MTAP: variants seen among roughly 807,000 people sequenced by gnomAD.
MTAP encodes the protein S-methyl-5'-thioadenosine phosphorylase.
MTAP carries 33 observed loss-of-function variants against 33.6 expected under a neutral mutation model. That is an observed-to-expected ratio of 0.98 (90% CI 0.74 to 1.31). MTAP has a LOEUF of 1.31. Ranked by LOEUF, MTAP falls within the 40% of genes most tolerant of loss-of-function variation. The pLI is 0.00. For missense variants in MTAP, 367 were observed against 360.0 expected (o/e 1.02, Z -0.16); for synonymous variants, 148 against 125.7 (o/e 1.18, Z -1.19).
chr9:21,930,826 G>C (rs748352377), intron 1 of MTAP: 4 of 686,082 alleles, frequency 5.8e-6, no homozygotes, highest in African/African-American at 5.5e-5. Context: ...CTCCTAAATC[G>C]AGCCTCCAGC....
At chr9:21,829,925 CT>C (rs552813565) in intron 4 of MTAP, among the ~76,000 whole-genome samples, 2 of 151,480 alleles carry the variant, frequency 1.3e-5, no homozygotes, top group African/African-American at 2.4e-5. Flanking sequence ...ATCTGAAAAT[CT>C]TTTTTTTTCT....
rs541254404 is a variant in MTAP, at chr9:21,912,589, A to T, written c.148-18419A>T. On this transcript the variant is annotated intron_variant, in intron 1 of 1. Transcript: ENST00000577563. ...CTTCGATAAAATTGAACAGCGCTTC[A>T]TGCTAAAAACTCTCCATAAGCTAGG... Among the ~76,000 whole-genome samples the T allele has an allele frequency of 2.6e-5, 4 of 152,344 alleles. No individual in the cohort carries two copies. The South Asian group carries it at 8.3e-4, about 32-fold the overall frequency.
At chr9:21,852,260 G>T (rs749029600) in intron 5 of MTAP, among the ~76,000 whole-genome samples, 2 of 152,162 alleles carry the variant, frequency 1.3e-5, no homozygotes, top group African/African-American at 4.8e-5. Context: ...TATAATCCCA[G>T]CACTTTGGGA....
intron 4 of MTAP, among the ~76,000 whole-genome samples, chr9:21,834,625 C>G (rs1322213746): frequency 6.6e-6 from 1 of 152,190 alleles, no homozygotes. Flanking sequence ...GAGTCCTCAC[C>G]TCTCATCATG....
At chr9:21,881,113 T>C (rs748734764) in intron 1 of MTAP, among the ~76,000 whole-genome samples, 2 of 152,038 alleles carry the variant, frequency 1.3e-5, no homozygotes, top group South Asian at 4.1e-4. Flanking sequence ...CTTTTATATA[T>C]AGTCAAATGA....
intron 1 of MTAP, among the ~76,000 whole-genome samples, chr9:21,919,738 G>A (rs1304055809): frequency 6.6e-6 from 1 of 152,172 alleles, no homozygotes; most frequent in Non-Finnish European, 1.5e-5. Flanking sequence ...AGAGGTCAAG[G>A]TGGAGTAATA....
chr9:21,891,889 C>T lies in MTAP; in HGVS notation c.147+37019C>T, dbSNP rs185712470. Among the ~76,000 whole-genome samples, 348 of 152,232 alleles carry T rather than the reference C, an allele frequency of 2.3e-3. 2 individuals carry two copies. The highest frequency in any genetic ancestry group is 7.9e-3 in the African/African-American group (327 of 41,532). On this transcript the variant is annotated intron_variant, in intron 1 of 1. Coordinates refer to the MTAP transcript ENST00000577563. ...AAGCAGCTAGAGAGAATAGGAAGGT[C>T]ACTGACAAAGGGACCCCCATCAGGC... is the stretch of plus-strand genomic sequence containing the variant.
chr9:21,865,655 C>T lies in MTAP; in HGVS notation c.*3641C>T, dbSNP rs1345924076. Reference sequence around the variant, plus strand: ...GAAGAAAAGAAGGAATGCCAAAGATCGAGGAAATCTACCAAGACTAGTAGG... The same window carrying T: ...GAAGAAAAGAAGGAATGCCAAAGATTGAGGAAATCTACCAAGACTAGTAGG... On this transcript the variant is annotated 3_prime_UTR_variant, in exon 8 of 8. Transcript: ENST00000644715. 7 of 999,804 alleles carry T rather than the reference C, an allele frequency of 7.0e-6. No homozygotes were observed. The highest frequency in any genetic ancestry group is 2.0e-4 in the East Asian group (2 of 10,138). 61.9% of individuals were successfully genotyped at this position (999,804 alleles called of 1,614,324 possible). A position where few individuals can be genotyped will look rare whatever the true frequency, so the allele number is the denominator to read the frequency against.
chr9:21,925,107 G>A (rs1209787912), intron 1 of MTAP, among the ~76,000 whole-genome samples: 1 of 152,204 alleles, frequency 6.6e-6, no homozygotes, highest in East Asian at 1.9e-4. Flanking sequence ...ATACCCATGG[G>A]GGCATATGGG....
intron 1 of MTAP, among the ~76,000 whole-genome samples, chr9:21,921,459 G>T (rs759502148): frequency 2.6e-5 from 4 of 151,248 alleles, no homozygotes; most frequent in Non-Finnish European, 5.9e-5. Context: ...CTCTTTTCTA[G>T]CTCCCTGAGG....
At chr9:21,828,832 A>G (rs1316412054) in intron 4 of MTAP, among the ~76,000 whole-genome samples, 1 of 152,174 alleles carries the variant, frequency 6.6e-6, no homozygotes. Flanking sequence ...TTCAGTGACC[A>G]CTAGAAATTT....
chr9:21,839,346 C>T (rs1017954206), intron 5 of MTAP, among the ~76,000 whole-genome samples: 3 of 152,088 alleles, frequency 2.0e-5, no homozygotes, highest in Non-Finnish European at 4.4e-5. Context: ...GGATAAAATT[C>T]TTGTCCACTT....
chr9:21,846,611 A>G (rs1046489355), intron 5 of MTAP, among the ~76,000 whole-genome samples: 11 of 149,478 alleles, frequency 7.4e-5, no homozygotes, highest in African/African-American at 2.7e-4. Context: ...GATGTGGTGT[A>G]AAGGGAACAC....
intron 1 of MTAP, among the ~76,000 whole-genome samples, chr9:21,891,598 C>T (rs952064674): frequency 1.3e-5 from 2 of 152,090 alleles, no homozygotes; most frequent in Non-Finnish European, 2.9e-5. Context: ...AAAGAATGAA[C>T]AAAACCTCCA....
intron 7 of MTAP, chr9:21,860,237 C>T (rs538804992): frequency 6.6e-6 from 1 of 152,298 alleles, no homozygotes; most frequent in African/African-American, 2.4e-5. Context: ...GACTGCCAAT[C>T]ACTGGGCATG....
chr9:21,896,319 T>A (rs964504930), intron 1 of MTAP, among the ~76,000 whole-genome samples: 1 of 151,842 alleles, frequency 6.6e-6, no homozygotes, highest in Non-Finnish European at 1.5e-5. Context: ...AACATCACAA[T>A]TAAAAGAACT....
chr9:21,838,733 A>G (rs1825170558), intron 5 of MTAP, among the ~76,000 whole-genome samples: 1 of 152,230 alleles, frequency 6.6e-6, no homozygotes, highest in Non-Finnish European at 1.5e-5. Flanking sequence ...AAGCAACAAA[A>G]ATGGCTACCA....
intron 1 of MTAP, among the ~76,000 whole-genome samples, chr9:21,875,714 G>A (rs1825997183): frequency 6.6e-6 from 1 of 152,222 alleles, no homozygotes. Flanking sequence ...TCCAACAAAA[G>A]ATATGGTCTC....
chr9:21,891,149 G>A (rs930544052), intron 1 of MTAP, among the ~76,000 whole-genome samples: 5 of 152,090 alleles, frequency 3.3e-5, no homozygotes, highest in Admixed American at 6.6e-5. Context: ...CCAAAAGGCA[G>A]TAAGTTCGAA....
Sources: allele counts gnomAD v4.1 joint callset (sites outside exome capture counted in the v4.1 genomes callset), GRCh38; gene constraint gnomAD v4.1.1; transcripts MANE v1.5; gene names NCBI Gene and HGNC (gene_info 2026-07-23, HGNC 2026-07-21).